The following CDH9 variants were observed in gnomAD, a reference collection of about 807,000 sequenced individuals.
CDH9 encodes cadherin 9.
In CDH9, 28 loss-of-function variants were observed where a neutral mutation model predicts 70.9. The ratio of observed to expected loss-of-function variants is 0.40; its 90% CI spans 0.29 to 0.54. The LOEUF (loss-of-function observed/expected upper bound fraction) is 0.54. CDH9 is among the 20% of genes least tolerant of loss of function. CDH9 has a pLI of 0.59. For missense variants in CDH9, 874 were observed against 984.4 expected (o/e 0.89, Z 1.50); for synonymous variants, 409 against 343.1 (o/e 1.19, Z -2.12).
intron 2 of CDH9, among the ~76,000 whole-genome samples, chr5:26,958,336 T>G (rs954973121): frequency 6.6e-5 from 10 of 152,176 alleles, no homozygotes; most frequent in African/African-American, 2.4e-4. Flanking sequence ...CAAATTGAAA[T>G]AAGGCATATG....
chr5:26,883,083 A>G (rs1191210870), intron 11 of CDH9, among the ~76,000 whole-genome samples: 1 of 131,152 alleles, frequency 7.6e-6, no homozygotes, highest in Non-Finnish European at 1.6e-5. Context: ...ATATATATAT[A>G]TATATATATA....
In CDH9 at chr5:26,966,291, C is replaced by G. The variant is rs1446774522; in HGVS notation, c.228+21815G>C. ...GTGTATTACATTTTGACTTCTCTCT[C>G]TGTCCAGTCCTGACCCCTGCAGTGC... On this transcript the variant is annotated intron_variant, in intron 2 of 11. Coordinates refer to ENST00000231021, the MANE Select transcript of CDH9 (RefSeq NM_016279.4). Among the ~76,000 whole-genome samples, 6 of 152,194 alleles carry G rather than the reference C, an allele frequency of 3.9e-5. No individual in the cohort carries two copies. The South Asian group carries it at 1.0e-3, about 26-fold the overall frequency.
At position 26,884,289 on chromosome 5, in the gene CDH9, T is replaced by C. The variant is rs766753645; in HGVS notation, c.1882+1325A>G. Among the ~76,000 whole-genome samples, 73 of 152,164 alleles carry C rather than the reference T, an allele frequency of 4.8e-4. 2 individuals are homozygous for C. The highest frequency in any genetic ancestry group is 4.1e-3 in the Admixed American group (63 of 15,250). ...GGGGGGATGCTTTCAGTTCCCTATG[T>C]GTGCATGACTGTCTTTGTGTGTATG... On this transcript the variant is annotated intron_variant, in intron 11 of 11. Transcript: ENST00000231021.
At chr5:26,919,495 A>G (rs1741207613) in intron 2 of CDH9, among the ~76,000 whole-genome samples, 1 of 152,154 alleles carries the variant, frequency 6.6e-6, no homozygotes, top group African/African-American at 2.4e-5. Context: ...CGTCTAGGCC[A>G]CAAAAATTGT....
intron 2 of CDH9, among the ~76,000 whole-genome samples, chr5:26,929,813 A>T (rs1741409620): frequency 6.6e-6 from 1 of 152,096 alleles, no homozygotes; most frequent in South Asian, 2.1e-4. Context: ...TCATGGAGAC[A>T]GAGAGTAGAA....
intron 2 of CDH9, among the ~76,000 whole-genome samples, chr5:26,968,508 A>G (rs1453358497): frequency 1.3e-5 from 2 of 151,598 alleles, no homozygotes; most frequent in Non-Finnish European, 2.9e-5. Context: ...CTGGTCTTGA[A>G]CTCTTGACCT....
Position 26,885,652 on chromosome 5 carries a change from G to C in CDH9, c.1844C>G (p.Ala615Gly). 1 of 1,613,582 alleles carries C rather than the reference G, an allele frequency of 6.2e-7. No homozygotes were observed. The highest frequency in any genetic ancestry group is 8.5e-7 in the Non-Finnish European group (1 of 1,179,766). The change falls in exon 11 of 12, where the codon GCT (alanine) becomes GGT (glycine). Residue 615 changes from alanine (A) to glycine (G), a missense_variant. Transcript: ENST00000231021. ...LILSAGLSTG[A>G]LVAILLCVLI... is the part of the protein sequence containing the mutation. ...GACACAGAGTAGAATCGCAACGAGA[G>C]CTCCCGTGCTCAGGCCGGCTGAAAG...
intron 9 of CDH9, among the ~76,000 whole-genome samples, chr5:26,888,936 T>C (rs1372050534): frequency 1.3e-5 from 2 of 152,160 alleles, no homozygotes; most frequent in Non-Finnish European, 2.9e-5. Flanking sequence ...TATACCCTTA[T>C]AACTTCACTT....
intron 2 of CDH9, among the ~76,000 whole-genome samples, chr5:26,920,212 A>C (rs534690771): frequency 5.3e-5 from 8 of 151,842 alleles, no homozygotes; most frequent in Non-Finnish European, 1.2e-4. Context: ...TTGAGTGAAC[A>C]TTGGCGGTAG....
Position 26,885,806 on chromosome 5 carries a change from A to G in CDH9, c.1690T>C (p.Tyr564His). Reference sequence around the variant, plus strand: ...TCAAAGATTAAAATCGGCAATAAGTAGGTGCTCATTTTGTTGCGACTGTAG... The same window carrying G: ...TCAAAGATTAAAATCGGCAATAAGTGGGTGCTCATTTTGTTGCGACTGTAG... ...DGYSRNKMST[Y>H]LLPILIFDND... Residue 564 changes from tyrosine (Y) to histidine (H), a missense_variant, in exon 11 of 12, where the codon TAC becomes CAC. By Grantham distance (83) the Tyr-to-His change is moderately conservative. Coordinates refer to ENST00000231021, the MANE Select transcript of CDH9 (RefSeq NM_016279.4). 6.2e-7 allele frequency: 1 copy of G among 1,613,690 alleles called. No homozygotes were observed. The highest frequency in any genetic ancestry group is 8.5e-7 in the Non-Finnish European group (1 of 1,179,688).
chr5:26,926,068 C>T (rs1273330836), intron 2 of CDH9, among the ~76,000 whole-genome samples: 9 of 152,188 alleles, frequency 5.9e-5, no homozygotes, highest in Middle Eastern at 3.4e-3. Context: ...TCCTATTCAA[C>T]GTAGTGTTGG....
chr5:27,030,492 G>A (rs565646102), intron 1 of CDH9, among the ~76,000 whole-genome samples: 1 of 151,156 alleles, frequency 6.6e-6, no homozygotes, highest in East Asian at 2.0e-4. Flanking sequence ...AAAAGCAGGG[G>A]GGATGGAAAT....
intron 1 of CDH9, among the ~76,000 whole-genome samples, chr5:26,996,180 T>C (rs1742662519): frequency 6.6e-6 from 1 of 152,004 alleles, no homozygotes; most frequent in African/African-American, 2.4e-5. Flanking sequence ...ACAAAGTTTC[T>C]CAGCTGAAAT....
At chr5:26,976,178 T>C (rs1298916157) in intron 2 of CDH9, among the ~76,000 whole-genome samples, 3 of 152,172 alleles carry the variant, frequency 2.0e-5, no homozygotes, top group Non-Finnish European at 4.4e-5. Context: ...AAAAGTTCTG[T>C]AGATCTCAAG....
intron 9 of CDH9, among the ~76,000 whole-genome samples, chr5:26,886,866 C>A (rs1213634408): frequency 2.0e-5 from 3 of 152,122 alleles, no homozygotes; most frequent in Non-Finnish European, 4.4e-5. Context: ...AAGCACTGAG[C>A]TACACATTGG....
At chr5:27,010,217 A>C (rs1579510947) in intron 1 of CDH9, among the ~76,000 whole-genome samples, 1 of 152,038 alleles carries the variant, frequency 6.6e-6, no homozygotes, top group African/African-American at 2.4e-5. Context: ...TTTGAACAGC[A>C]CTTATATCAA....
chr5:27,019,627 T>C (rs980975630), intron 1 of CDH9, among the ~76,000 whole-genome samples: 37 of 152,034 alleles, frequency 2.4e-4, no homozygotes, highest in South Asian at 4.1e-4. Flanking sequence ...TTTGCATATT[T>C]CTTAACACAC....
At chr5:27,026,379 C>T (rs1250001196) in intron 1 of CDH9, among the ~76,000 whole-genome samples, 1 of 151,750 alleles carries the variant, frequency 6.6e-6, no homozygotes, top group Non-Finnish European at 1.5e-5. Flanking sequence ...TTTTGCTACC[C>T]AAAATGGTAT....
intron 2 of CDH9, among the ~76,000 whole-genome samples, chr5:26,966,693 T>C (rs1742135281): frequency 2.6e-5 from 4 of 152,216 alleles, no homozygotes; most frequent in Admixed American, 2.6e-4. Flanking sequence ...GTTGAATGAA[T>C]AACACACATT....
Sources: allele counts gnomAD v4.1 joint callset (sites outside exome capture counted in the v4.1 genomes callset), GRCh38; gene constraint gnomAD v4.1.1; transcripts MANE v1.5; gene names NCBI Gene and HGNC (gene_info 2026-07-23, HGNC 2026-07-21).